Variants in AAK1 observed in about 807,000 individuals in gnomAD.
The protein encoded by AAK1 is AP2-associated protein kinase 1.
A neutral mutation model predicts 116.0 loss-of-function variants in AAK1; 37 were observed. The ratio of observed to expected loss-of-function variants is 0.32; its 90% CI spans 0.25 to 0.42. AAK1 has a LOEUF of 0.42. AAK1 is among the 10% of genes least tolerant of loss of function. AAK1 has a pLI of 1.00. For synonymous variants in AAK1, 458 were observed against 439.9 expected (o/e 1.04, Z -0.51); for missense variants, 919 against 1,170.6 (o/e 0.79, Z 3.14).
Position 69,473,856 on chromosome 2 carries a change from C to G in AAK1, c.*2013G>C. On this transcript the variant is annotated 3_prime_UTR_variant, in exon 22 of 22. Coordinates refer to ENST00000409085, the MANE Select transcript of AAK1 (RefSeq NM_014911.5). ...GGAAAGAGAATACAATTCTGACCTG[C>G]AGCAATTTTCCTGTCCATAAAGGGG... is the stretch of plus-strand genomic sequence containing the variant. The G allele has an allele frequency of 1.0e-6, 1 of 985,790 alleles. No individual in the cohort carries two copies. Among genetic ancestry groups the G allele is most frequent in the Non-Finnish European group, 1.2e-6 (1 of 829,914 alleles). The allele number at this position is 985,790 out of a possible 1,614,324, so 61.1% of individuals were successfully genotyped here. A position where few individuals can be genotyped will look rare whatever the true frequency, so the allele number is the denominator to read the frequency against.
intron 13 of AAK1, 128 bp downstream of exon 13, chr2:69,514,343 A>G: frequency 8.1e-7 from 1 of 1,231,636 alleles, no homozygotes; most frequent in Non-Finnish European, 1.1e-6. Flanking sequence ...AGATCAAATA[A>G]TTGAACCACC....
At chr2:69,539,086 G>A (rs576074484) in intron 5 of AAK1, among the ~76,000 whole-genome samples, 1 of 152,276 alleles carries the variant, frequency 6.6e-6, no homozygotes, top group East Asian at 1.9e-4. Context: ...TAACAGAGCA[G>A]GCACTGTTAG....
In AAK1 at chr2:69,514,550, T is replaced by C; in HGVS notation, c.1697A>G (p.Lys566Arg). 6.4e-7 allele frequency: 1 copy of C among 1,554,940 alleles called. No individual in the cohort carries two copies. The highest frequency in any genetic ancestry group is 8.7e-7 in the Non-Finnish European group (1 of 1,149,004). The change falls in exon 13 of 22, where the codon AAG becomes AGG. Residue 566 changes from lysine (K) to arginine (R), a missense_variant. By Grantham distance (26) the Lys-to-Arg change is conservative. Around this residue, in one of 4 missense-constraint regions of AAK1, gnomAD observed 214 missense variants for 210.6 expected, o/e 1.02. Coordinates refer to ENST00000409085, the MANE Select transcript of AAK1 (RefSeq NM_014911.5). ...LMTQQAALQQKPTMAAGQQPQ... is the reference protein window; with the variant it reads ...LMTQQAALQQRPTMAAGQQPQ... Reference sequence around the variant, plus strand: ...CTGCTGTCCTGCTGCCATAGTGGGCTTTTGCTGCAAGGCAGCCTGCTGAGT... The same window carrying C: ...CTGCTGTCCTGCTGCCATAGTGGGCCTTTGCTGCAAGGCAGCCTGCTGAGT...
chr2:69,613,897 C>G (rs536565305), intron 2 of AAK1, among the ~76,000 whole-genome samples: 11 of 152,344 alleles, frequency 7.2e-5, no homozygotes, highest in African/African-American at 2.6e-4. Context: ...TTGTAGCTAA[C>G]CTGGTACCAG....
intron 2 of AAK1, among the ~76,000 whole-genome samples, chr2:69,637,586 C>T (rs776709495): frequency 1.4e-4 from 22 of 152,128 alleles, no homozygotes; most frequent in Non-Finnish European, 2.5e-4. Context: ...CTTTAATAGA[C>T]AATACGTTTC....
At position 69,542,648 on chromosome 2, in the gene AAK1, G is replaced by A. The variant is rs1390078514; in HGVS notation, c.409C>T (p.Leu137=). ...CCTGTTTGCAGGCGCTGGTTCATCA[G>A]GTTTACCACCTGGCCACCTGAGGGG... ...DFCRGGQVVN[L]MNQRLQTGFT... is the part of the protein sequence containing the mutation. The change falls in exon 5 of 22, where the codon CTG becomes TTG. Residue 137 remains leucine, a synonymous_variant. Transcript: ENST00000409085. 2 of 1,613,680 alleles carry A rather than the reference G, an allele frequency of 1.2e-6. No individual in the cohort carries two copies. Among genetic ancestry groups the A allele is most frequent in the East Asian group, 2.2e-5 (1 of 44,894 alleles).
chr2:69,501,003 C>G (rs1358796733), intron 16 of AAK1, among the ~76,000 whole-genome samples: 1 of 151,942 alleles, frequency 6.6e-6, no homozygotes, highest in Non-Finnish European at 1.5e-5. Flanking sequence ...AGCCAAACAT[C>G]GTGCCAAATT....
intron 16 of AAK1, among the ~76,000 whole-genome samples, chr2:69,502,464 G>C (rs1676014571): frequency 6.6e-6 from 1 of 151,946 alleles, no homozygotes; most frequent in Non-Finnish European, 1.5e-5. Flanking sequence ...TCTACTAAAA[G>C]TACAAAATTA....
At chr2:69,477,826 C>A (rs1240042219) in intron 20 of AAK1, among the ~76,000 whole-genome samples, 1 of 152,180 alleles carries the variant, frequency 6.6e-6, no homozygotes, top group Non-Finnish European at 1.5e-5. Context: ...TATTTTTAGT[C>A]ATTCTGGGGA....
Position 69,462,230 on chromosome 2 carries a change from A to C in AAK1, c.*13639T>G, listed in dbSNP as rs1464898602. The C allele has an allele frequency of 4.4e-5, 1 of 22,982 alleles. No homozygotes were observed. Among genetic ancestry groups the C allele is most frequent in the Admixed American group, 6.9e-4 (1 of 1,446 alleles). The allele number at this position is 22,982 out of a possible 1,614,324, so 1.4% of individuals were successfully genotyped here. A position where few individuals can be genotyped will look rare whatever the true frequency, so the allele number is the denominator to read the frequency against. On this transcript the variant is annotated 3_prime_UTR_variant, in exon 22 of 22. Coordinates refer to ENST00000409085, the MANE Select transcript of AAK1 (RefSeq NM_014911.5). ...CTGGGGACTGTTGTGGGGTGGGGGG[A>C]GGGGGGCGGGATAGCATTAGGAGAT...
chr2:69,499,039 C>T (rs1033439687), intron 16 of AAK1, among the ~76,000 whole-genome samples: 1 of 152,198 alleles, frequency 6.6e-6, no homozygotes, highest in Non-Finnish European at 1.5e-5. Context: ...CCATGTCCTA[C>T]CCAGTGGCCG....
chr2:69,631,607 A>C (rs1675177029), intron 2 of AAK1, among the ~76,000 whole-genome samples: 2 of 152,260 alleles, frequency 1.3e-5, no homozygotes, highest in Admixed American at 1.3e-4. Flanking sequence ...TTCAAATTTC[A>C]GGAACTTGTC....
chr2:69,512,459 T>C (rs1458923044), intron 13 of AAK1, among the ~76,000 whole-genome samples: 1 of 152,130 alleles, frequency 6.6e-6, no homozygotes, highest in Non-Finnish European at 1.5e-5. Context: ...CACAGTTGGG[T>C]TTCTCAGCAA....
chr2:69,466,267 G>C lies in AAK1; in HGVS notation c.*9602C>G. 1 of 1,289,758 alleles carries C rather than the reference G, an allele frequency of 7.8e-7. No individual in the cohort carries two copies. 79.9% of individuals were successfully genotyped at this position (1,289,758 alleles called of 1,614,324 possible). A position where few individuals can be genotyped will look rare whatever the true frequency, so the allele number is the denominator to read the frequency against. On this transcript the variant is annotated 3_prime_UTR_variant, in exon 22 of 22. Transcript: ENST00000409085. Reference sequence around the variant, plus strand: ...GCTCCTCCCAGCTTCCCCGGGGGGGGTCTGCAGCTCTCATCTTCTTCTTCA... The same window carrying C: ...GCTCCTCCCAGCTTCCCCGGGGGGGCTCTGCAGCTCTCATCTTCTTCTTCA...
At chr2:69,524,647 G>A (rs1669941925) in intron 10 of AAK1, among the ~76,000 whole-genome samples, 1 of 151,982 alleles carries the variant, frequency 6.6e-6, no homozygotes, top group African/African-American at 2.4e-5. Flanking sequence ...TGGCCAGGCT[G>A]GTCTTGAACT....
In AAK1 at chr2:69,463,414, C is replaced by T. The variant is rs1674391108; in HGVS notation, c.*12455G>A. ...TCTGTCACCCAGGCTGGACTCACAACTCACTGCAGCCTCAAACTCCTGGGC... is the reference window on the plus strand; with the variant it reads ...TCTGTCACCCAGGCTGGACTCACAATTCACTGCAGCCTCAAACTCCTGGGC... On this transcript the variant is annotated 3_prime_UTR_variant, in exon 22 of 22. Transcript: ENST00000409085. The T allele has an allele frequency of 6.6e-6, 1 of 152,222 alleles. No individual in the cohort carries two copies. Among genetic ancestry groups the T allele is most frequent in the Non-Finnish European group, 1.5e-5 (1 of 68,060 alleles). 9.4% of individuals were successfully genotyped at this position (152,222 alleles called of 1,614,324 possible). A position where few individuals can be genotyped will look rare whatever the true frequency, so the allele number is the denominator to read the frequency against.
intron 14 of AAK1, among the ~76,000 whole-genome samples, chr2:69,508,608 C>T (rs911444821): frequency 2.0e-5 from 3 of 152,074 alleles, no homozygotes; most frequent in Non-Finnish European, 2.9e-5. Flanking sequence ...AAATAATTAA[C>T]GACAACACAA....
intron 17 of AAK1, among the ~76,000 whole-genome samples, chr2:69,491,129 G>C (rs1002204203): frequency 1.3e-5 from 2 of 151,050 alleles, no homozygotes; most frequent in African/African-American, 4.9e-5. Context: ...TTTTTTTTTA[G>C]ATACAGGGTC....
intron 2 of AAK1, among the ~76,000 whole-genome samples, chr2:69,637,864 C>T (rs1377468213): frequency 6.6e-6 from 1 of 152,162 alleles, no homozygotes; most frequent in Non-Finnish European, 1.5e-5. Context: ...TCCCCTCATA[C>T]CCTCCCACTC....
Sources: allele counts gnomAD v4.1 joint callset (sites outside exome capture counted in the v4.1 genomes callset), GRCh38; gene constraint gnomAD v4.1.1; regional missense constraint gnomAD v4.1.1; transcripts MANE v1.5; gene names NCBI Gene and HGNC (gene_info 2026-07-23, HGNC 2026-07-21).